ANO1: variants seen among roughly 807,000 people sequenced by gnomAD.
ANO1 encodes anoctamin 1.
A neutral mutation model predicts 124.0 loss-of-function variants in ANO1; 59 were observed. The observed-to-expected ratio is 0.48, with a 90% CI of 0.39 to 0.59. The LOEUF (loss-of-function observed/expected upper bound fraction) is 0.59, where lower values mean the gene tolerates loss of function less well. ANO1 is among the 20% of genes least tolerant of loss of function. ANO1 has a pLI of 0.00. For missense variants in ANO1, 1,059 were observed against 1,328.0 expected, an observed-to-expected ratio of 0.80 and a Z score of 3.15; for synonymous variants, 529 against 532.0, an observed-to-expected ratio of 0.99 and a Z score of 0.08.
At chr11:69,984,853 G>A (rs1436392482), upstream of ANO1, among the ~76,000 whole-genome samples, 2 of 152,224 alleles carry the variant, frequency 1.3e-5, no homozygotes, top group African/African-American at 4.8e-5. Context: ...TTCAAAAGAT[G>A]AGGCGGCTGC....
Position 70,104,025 on chromosome 11 carries a change from C to T in ANO1, c.567C>T (p.Gly189=). The change falls in exon 4 of 26, where the codon GGC becomes GGT. Residue 189 remains glycine, a synonymous_variant. Transcript: ENST00000355303. ...TGTACCACATTAATGAGACCCGTGGCCTCCTGAAAAAAATCAACTCTGTGC... is the reference window on the plus strand; with the variant it reads ...TGTACCACATTAATGAGACCCGTGGTCTCCTGAAAAAAATCAACTCTGTGC... ...KKMYHINETR[G]LLKKINSVLQ... is the part of the protein sequence containing the mutation. The T allele has an allele frequency of 1.9e-6, 3 of 1,612,280 alleles. No homozygotes were observed. Among genetic ancestry groups the T allele is most frequent in the Non-Finnish European group, 2.5e-6 (3 of 1,179,278 alleles).
rs141208756 is a variant in ANO1, at chr11:70,158,170, C to T, written c.1578+1149C>T. Reference sequence around the variant, plus strand: ...CTACTCAGGGACCACAAGTCTGTGACGTGGCTTGTGGGCAAACATCTTGTG... The same window carrying T: ...CTACTCAGGGACCACAAGTCTGTGATGTGGCTTGTGGGCAAACATCTTGTG... On this transcript the variant is annotated intron_variant, in intron 16 of 25. Coordinates refer to ENST00000355303, the MANE Select transcript of ANO1 (RefSeq NM_018043.7). Among the ~76,000 whole-genome samples the T allele has an allele frequency of 5.7e-3, 875 of 152,302 alleles. 5 individuals are homozygous for T. Among genetic ancestry groups the T allele is most frequent in the African/African-American group, 0.012 (500 of 41,572 alleles).
chr11:70,184,483 G>A (rs944702118), intron 24 of ANO1, among the ~76,000 whole-genome samples: 2 of 152,096 alleles, frequency 1.3e-5, no homozygotes, highest in Non-Finnish European at 2.9e-5. Context: ...CCAAGCAGGA[G>A]ATCAGTCAGC....
chr11:70,106,697 G>C (rs763239879), intron 5 of ANO1, among the ~76,000 whole-genome samples: 1 of 152,234 alleles, frequency 6.6e-6, no homozygotes, highest in Admixed American at 6.5e-5. Flanking sequence ...TTTGGCCTTG[G>C]TTAGTCAGGC....
intron 1 of ANO1, among the ~76,000 whole-genome samples, chr11:70,055,757 C>T (rs781968385): frequency 2.1e-4 from 32 of 151,960 alleles, no homozygotes; most frequent in Admixed American, 6.5e-4. Flanking sequence ...TTTTCACCTC[C>T]GACTTTTCGG....
chr11:70,158,025 C>T (rs1039792482), intron 16 of ANO1, among the ~76,000 whole-genome samples: 15 of 149,468 alleles, frequency 1.0e-4, no homozygotes, highest in African/African-American at 3.7e-4. Flanking sequence ...TATTTTGTGA[C>T]CAAAACATGA....
intron 9 of ANO1, among the ~76,000 whole-genome samples, chr11:70,125,069 G>A (rs1277173265): frequency 2.0e-5 from 3 of 152,184 alleles, no homozygotes; most frequent in African/African-American, 4.8e-5. Flanking sequence ...GGGACCGGGC[G>A]CGGTGGCTCA....
chr11:70,104,130 C>T lies in ANO1; in HGVS notation c.672C>T (p.Phe224=). 6.2e-7 allele frequency: 1 copy of T among 1,612,688 alleles called. No individual in the cohort carries two copies. The highest frequency in any genetic ancestry group is 1.1e-5 in the South Asian group (1 of 90,842). The change falls in exon 4 of 26, where the codon TTC becomes TTT. Residue 224 remains phenylalanine, a synonymous_variant. Transcript: ENST00000355303. ...CCATGAAGAGACTCTCCTATCCCTTCTCCCGGGAGAAGCAGCATCTGTAAG... is the reference window on the plus strand; with the variant it reads ...CCATGAAGAGACTCTCCTATCCCTTTTCCCGGGAGAAGCAGCATCTGTAAG... ...PQTMKRLSYP[F]SREKQHLFDL...
At chr11:70,038,521 C>T (rs1366195385) in intron 1 of ANO1, among the ~76,000 whole-genome samples, 1 of 152,136 alleles carries the variant, frequency 6.6e-6, no homozygotes, top group Non-Finnish European at 1.5e-5. Context: ...CTGAGAGATC[C>T]TTTGTCTCAG....
chr11:70,000,959 C>A (rs1856371920), intron 1 of ANO1, among the ~76,000 whole-genome samples: 1 of 151,674 alleles, frequency 6.6e-6, no homozygotes, highest in African/African-American at 2.4e-5. Flanking sequence ...GCAACTGGAA[C>A]CCTTGCCTAC....
At position 70,179,069 on chromosome 11, in the gene ANO1, C is replaced by T. The variant is rs145783984; in HGVS notation, c.2351-935C>T. Among the ~76,000 whole-genome samples, 152 of 152,308 alleles carry T rather than the reference C, an allele frequency of 1.0e-3. 2 individuals are homozygous for T. Among genetic ancestry groups the T allele is most frequent in the Non-Finnish European group, 4.3e-4 (29 of 68,012 alleles). On this transcript the variant is annotated intron_variant, in intron 22 of 25. Coordinates refer to ENST00000355303, the MANE Select transcript of ANO1 (RefSeq NM_018043.7). ...CCCAAAAACGGGGACTGGGAGGCTC[C>T]CCTCAGCTACTAGGGCAGAAGCGCT...
intron 8 of ANO1, among the ~76,000 whole-genome samples, chr11:70,117,517 G>C (rs2509146): frequency 0.7 from 105,701 of 151,798 alleles, 37,052 homozygotes; most frequent in Admixed American, 0.76. Flanking sequence ...CCATGCCCCC[G>C]AAAAGAACAT....
At chr11:70,142,157 A>G (rs1375865188) in intron 11 of ANO1, among the ~76,000 whole-genome samples, 1 of 152,272 alleles carries the variant, frequency 6.6e-6, no homozygotes, top group Non-Finnish European at 1.5e-5. Context: ...TTCTGAAATT[A>G]TAGCATAATA....
chr11:70,099,700 T>C (rs769221244), intron 2 of ANO1, among the ~76,000 whole-genome samples: 5 of 152,166 alleles, frequency 3.3e-5, no homozygotes, highest in Non-Finnish European at 5.9e-5. Flanking sequence ...AAGGAGTCTG[T>C]GCTTGCACAG....
At chr11:70,005,139 A>G (rs555637733) in intron 1 of ANO1, among the ~76,000 whole-genome samples, 3 of 151,948 alleles carry the variant, frequency 2.0e-5, no homozygotes, top group African/African-American at 7.2e-5. Context: ...TTGGTGACAG[A>G]AACATTCTTA....
In ANO1 at chr11:70,161,317, C is replaced by T. The variant is rs1190823585; in HGVS notation, c.1735C>T (p.Leu579=). 1 of 1,614,038 alleles carries T rather than the reference C, an allele frequency of 6.2e-7. No individual in the cohort carries two copies. Among genetic ancestry groups the T allele is most frequent in the Admixed American group, 1.7e-5 (1 of 60,032 alleles). ...VIINLVVIIL[L]DEVYGCIARW... is the part of the protein sequence containing the mutation. ...CATCAACCTAGTGGTCATCATCCTC[C>T]TGGACGAGGTGTATGGCTGCATAGC... is the stretch of plus-strand genomic sequence containing the variant. Residue 579 remains leucine (L), a synonymous_variant, in exon 17 of 26, where the codon CTG becomes TTG. Coordinates refer to ENST00000355303, the MANE Select transcript of ANO1 (RefSeq NM_018043.7).
chr11:70,167,407 G>C lies in ANO1; in HGVS notation c.2197+20G>C. On this transcript the variant is annotated intron_variant, in intron 21 of 25. Coordinates refer to ENST00000355303, the MANE Select transcript of ANO1 (RefSeq NM_018043.7). ...AAATGAGTGAGTGATGGCCGGGGCA[G>C]GCAGGTGACATCAGGATAGAAACAG... 6.2e-7 allele frequency: 1 copy of C among 1,602,800 alleles called. No homozygotes were observed. The highest frequency in any genetic ancestry group is 8.5e-7 in the Non-Finnish European group (1 of 1,174,518).
At chr11:69,966,831 G>T in the ANO1 span, among the ~76,000 whole-genome samples, 1 of 152,198 alleles carries the variant, frequency 6.6e-6, no homozygotes, top group East Asian at 1.9e-4. Context: ...GGCAAGAGAG[G>T]TGCCCCCAAG....
chr11:70,103,978 G>A (rs1250699355), intron 3 of ANO1, 21 bp from the exon 4 acceptor site: 15 of 1,607,294 alleles, frequency 9.3e-6, no homozygotes, highest in African/African-American at 2.7e-5. Flanking sequence ...GCAGCTCCCC[G>A]GTCCCTTGTC....
Sources: allele counts gnomAD v4.1 joint callset (sites outside exome capture counted in the v4.1 genomes callset), GRCh38; gene constraint gnomAD v4.1.1; transcripts MANE v1.5; gene names NCBI Gene and HGNC (gene_info 2026-07-23, HGNC 2026-07-21).